The following FMN1 variants were observed in gnomAD, a reference collection of about 807,000 sequenced individuals.
The protein encoded by FMN1 is formin-1.
FMN1 carries 110 observed loss-of-function variants against 132.4 expected under a neutral mutation model. That is an observed-to-expected ratio of 0.83 (90% CI 0.71 to 0.97). FMN1 has a LOEUF of 0.97. Among genes scored for constraint, FMN1 ranks in the 50% least tolerant of loss-of-function variants. The probability of loss-of-function intolerance (pLI) is 0.00; values close to 1 mark genes in which losing one functional copy is unlikely to be tolerated. For synonymous variants in FMN1, 722 were observed against 651.7 expected (o/e 1.11, Z -1.64); for missense variants, 1,792 against 1,705.3 (o/e 1.05, Z -0.90).
At chr15:33,089,296 T>C (rs2038820188) in intron 4 of FMN1, among the ~76,000 whole-genome samples, 1 of 152,104 alleles carries the variant, frequency 6.6e-6, no homozygotes, top group Admixed American at 6.5e-5. Context: ...AGTCAGGAGG[T>C]CTGGCCTGCT....
intron 10 of FMN1, among the ~76,000 whole-genome samples, chr15:32,910,858 A>G (rs1354702667): frequency 1.3e-5 from 2 of 152,216 alleles, no homozygotes; most frequent in Non-Finnish European, 2.9e-5. Flanking sequence ...CACAATTTTA[A>G]ATCTTTCTTC....
chr15:32,976,904 C>G (rs1159728138), intron 7 of FMN1, among the ~76,000 whole-genome samples: 2 of 152,164 alleles, frequency 1.3e-5, no homozygotes, highest in South Asian at 2.1e-4. Context: ...GTTCCAGGCA[C>G]TATGCTAGCC....
intron 5 of FMN1, among the ~76,000 whole-genome samples, chr15:33,080,285 C>T (rs1054555649): frequency 1.3e-5 from 2 of 152,186 alleles, no homozygotes; most frequent in Non-Finnish European, 2.9e-5. Context: ...CTAATTTACG[C>T]TGTGGAGTTT....
intron 4 of FMN1, among the ~76,000 whole-genome samples, chr15:33,097,025 G>T (rs1044666686): frequency 7.9e-5 from 12 of 152,074 alleles, no homozygotes; most frequent in Non-Finnish European, 1.6e-4. Context: ...CGGGCACAGC[G>T]GCTCATGCCT....
intron 3 of FMN1, among the ~76,000 whole-genome samples, chr15:33,161,701 A>G (rs956079810): frequency 5.9e-5 from 9 of 151,946 alleles, no homozygotes; most frequent in Non-Finnish European, 1.2e-4. Context: ...GGCGGATCAC[A>G]AGGTCAGGAG....
rs116939252 is a variant in FMN1, at chr15:33,071,556, T to A, written c.2044-6482A>T. ...AGATCTCTATTTAGAAAGAGGAGAC[T>A]CTTGTTTACAGACTGTAACCAAGGA... On this transcript the variant is annotated intron_variant, in intron 5 of 20. Coordinates refer to ENST00000616417, the MANE Select transcript of FMN1 (RefSeq NM_001277313.2). Among the ~76,000 whole-genome samples, 27 of 152,314 alleles carry A rather than the reference T, an allele frequency of 1.8e-4. No homozygotes were observed. The East Asian group carries it at 5.0e-3, about 28-fold the overall frequency.
chr15:33,072,276 T>C (rs1488873795), intron 5 of FMN1, among the ~76,000 whole-genome samples: 1 of 152,192 alleles, frequency 6.6e-6, no homozygotes, highest in African/African-American at 2.4e-5. Context: ...CTTCATGAGA[T>C]GTGAAACCTG....
At chr15:32,857,960 C>G (rs1220654848) in intron 16 of FMN1, among the ~76,000 whole-genome samples, 1 of 152,212 alleles carries the variant, frequency 6.6e-6, no homozygotes, top group African/African-American at 2.4e-5. Flanking sequence ...TTCTACAAAG[C>G]TAGAGCTGAG....
chr15:33,123,830 G>A (rs768950271), intron 4 of FMN1, among the ~76,000 whole-genome samples: 8 of 152,200 alleles, frequency 5.3e-5, no homozygotes, highest in Admixed American at 2.0e-4. Flanking sequence ...GGCTTAGGCA[G>A]AATAGAATTT....
intron 3 of FMN1, among the ~76,000 whole-genome samples, chr15:33,172,070 T>A (rs1157121881): frequency 6.6e-6 from 1 of 151,854 alleles, no homozygotes; most frequent in Non-Finnish European, 1.5e-5. Flanking sequence ...TAGCCGGGCG[T>A]GGTGGCGGGC....
At chr15:33,079,927 T>A (rs1232966474) in intron 5 of FMN1, among the ~76,000 whole-genome samples, 1 of 152,202 alleles carries the variant, frequency 6.6e-6, no homozygotes, top group African/African-American at 2.4e-5. Context: ...TTTGAATTGT[T>A]CTTTTCATCT....
intron 4 of FMN1, among the ~76,000 whole-genome samples, chr15:33,105,527 T>C (rs2039451657): frequency 6.6e-6 from 1 of 152,108 alleles, no homozygotes; most frequent in Admixed American, 6.6e-5. Flanking sequence ...CCAGCTGAAA[T>C]GCTGCCTAAA....
intron 19 of FMN1, among the ~76,000 whole-genome samples, chr15:32,790,469 C>A (rs2057036773): frequency 6.6e-6 from 1 of 152,180 alleles, no homozygotes; most frequent in African/African-American, 2.4e-5. Flanking sequence ...AAAATGTGTT[C>A]TTGCTCTGCC....
intron 9 of FMN1, among the ~76,000 whole-genome samples, chr15:32,962,117 A>C (rs1234417981): frequency 6.6e-6 from 1 of 151,756 alleles, no homozygotes; most frequent in African/African-American, 2.4e-5. Context: ...TATTATTATT[A>C]TTATTATTAT....
At chr15:33,046,301 G>C (rs571522537) in intron 6 of FMN1, among the ~76,000 whole-genome samples, 85 of 152,268 alleles carry the variant, frequency 5.6e-4, no homozygotes, top group Middle Eastern at 3.4e-3. Flanking sequence ...ATAACTCACA[G>C]TGCAATGTTC....
intron 9 of FMN1, among the ~76,000 whole-genome samples, chr15:32,930,058 C>T (rs993581657): frequency 1.7e-4 from 23 of 133,342 alleles, no homozygotes; most frequent in African/African-American, 5.5e-4. Context: ...GGCTTGATCT[C>T]GCCTCACTGC....
chr15:33,066,259 GAC>G (rs1296238507), intron 5 of FMN1, among the ~76,000 whole-genome samples: 1 of 152,182 alleles, frequency 6.6e-6, no homozygotes, highest in Non-Finnish European at 1.5e-5. Context: ...AATTCACGGT[GAC>G]AGTTACCCTT....
chr15:33,068,630 C>CTTT (rs5811728), intron 5 of FMN1, among the ~76,000 whole-genome samples: 2,933 of 150,848 alleles, frequency 0.019, 81 homozygotes, highest in African/African-American at 0.065. Flanking sequence ...GCCCTTGAAG[C>CTTT]TTTTTTTAAG....
chr15:33,035,581 C>G (rs1406917785), intron 6 of FMN1, among the ~76,000 whole-genome samples: 1 of 152,102 alleles, frequency 6.6e-6, no homozygotes, highest in African/African-American at 2.4e-5. Flanking sequence ...TTACCTCTCC[C>G]TCTTTTCTTA....
Sources: allele counts gnomAD v4.1 joint callset (sites outside exome capture counted in the v4.1 genomes callset), GRCh38; gene constraint gnomAD v4.1.1; transcripts MANE v1.5; gene names NCBI Gene and HGNC (gene_info 2026-07-23, HGNC 2026-07-21).